Variants in CAMK1D observed in about 807,000 individuals in gnomAD.
CAMK1D encodes calcium/calmodulin-dependent protein kinase type 1D.
A neutral mutation model predicts 47.7 loss-of-function variants in CAMK1D; 9 were observed. The ratio of observed to expected loss-of-function variants is 0.19; its 90% confidence interval spans 0.11 to 0.33. The LOEUF (loss-of-function observed/expected upper bound fraction) is 0.33. CAMK1D is among the 10% of genes least tolerant of loss of function. The pLI, the probability that CAMK1D is intolerant of heterozygous loss-of-function variation, is 1.00. For synonymous variants in CAMK1D, 184 were observed against 184.9 expected (o/e 0.99, Z 0.04); for missense variants, 291 against 488.7 (o/e 0.60, Z 3.81).
intron 2 of CAMK1D, among the ~76,000 whole-genome samples, chr10:12,564,289 A>G (rs934908920): frequency 6.6e-6 from 1 of 152,182 alleles, no homozygotes; most frequent in African/African-American, 2.4e-5. Flanking sequence ...AGATATAGAA[A>G]AAGAAATAGA....
chr10:12,477,808 G>A (rs961498956), intron 1 of CAMK1D, among the ~76,000 whole-genome samples: 1 of 152,140 alleles, frequency 6.6e-6, no homozygotes, highest in Non-Finnish European at 1.5e-5. Context: ...CATCCACCGT[G>A]TTTGGCTGCG....
intron 1 of CAMK1D, among the ~76,000 whole-genome samples, chr10:12,493,208 G>A (rs945751372): frequency 6.6e-6 from 1 of 152,194 alleles, no homozygotes; most frequent in Non-Finnish European, 1.5e-5. Context: ...TGTCCTATAA[G>A]AAGTGGTGTT....
At chr10:12,801,354 T>TATCTATCTAATC (rs57429397) in intron 6 of CAMK1D, among the ~76,000 whole-genome samples, 3 of 66,490 alleles carry the variant, frequency 4.5e-5, no homozygotes, top group African/African-American at 1.7e-4. Context: ...TCTATCTATC[T>TATCTATCTAATC]TATCTATCTA....
chr10:12,641,316 G>A (rs1588721718), intron 2 of CAMK1D, among the ~76,000 whole-genome samples: 1 of 152,218 alleles, frequency 6.6e-6, no homozygotes, highest in South Asian at 2.1e-4. Flanking sequence ...AAAAATTAGT[G>A]AATGTTTAAA....
At chr10:12,567,399 G>C (rs1261963870) in intron 2 of CAMK1D, among the ~76,000 whole-genome samples, 1 of 152,156 alleles carries the variant, frequency 6.6e-6, no homozygotes, top group Non-Finnish European at 1.5e-5. Flanking sequence ...TCATCCCGAG[G>C]GATGGCATAG....
intron 1 of CAMK1D, among the ~76,000 whole-genome samples, chr10:12,429,752 C>T (rs1300127080): frequency 3.9e-5 from 6 of 152,166 alleles, no homozygotes; most frequent in East Asian, 1.9e-4. Flanking sequence ...AGTTCAGGTT[C>T]GAGGTGGGTG....
chr10:12,585,322 C>G (rs547869668), intron 2 of CAMK1D, among the ~76,000 whole-genome samples: 17 of 152,200 alleles, frequency 1.1e-4, no homozygotes, highest in Non-Finnish European at 2.4e-4. Context: ...GGCCTACTGG[C>G]CTGGAGGCCA....
rs368118438 is a variant in CAMK1D, at chr10:12,609,624, A to G, written c.224+56268A>G. 1.5e-4 allele frequency among the ~76,000 whole-genome samples: 23 copies of G among 152,318 alleles called. 1 individual carries two copies. The highest frequency in any genetic ancestry group is 1.2e-3 in the Admixed American group (18 of 15,298). On this transcript the variant is annotated intron_variant, in intron 2 of 10. Coordinates refer to ENST00000619168, the MANE Select transcript of CAMK1D (RefSeq NM_153498.4). ...AGGGTTCATACTCCCATGAGAATCT[A>G]ATGCCACCACTGATCTGACAGGAGG...
chr10:12,477,695 T>A (rs935871490), intron 1 of CAMK1D, among the ~76,000 whole-genome samples: 1 of 152,042 alleles, frequency 6.6e-6, no homozygotes, highest in African/African-American at 2.4e-5. Context: ...GGTGTTCAGA[T>A]GAGAACCAGG....
chr10:12,393,894 A>C (rs944402249), intron 1 of CAMK1D, among the ~76,000 whole-genome samples: 1 of 152,164 alleles, frequency 6.6e-6, no homozygotes, highest in Admixed American at 6.5e-5. Flanking sequence ...CTCATTAAGC[A>C]GTTCTCCAGT....
intron 1 of CAMK1D, among the ~76,000 whole-genome samples, chr10:12,391,544 G>A (rs1489039362): frequency 6.6e-6 from 1 of 152,008 alleles, no homozygotes; most frequent in African/African-American, 2.4e-5. Flanking sequence ...TCCATTTTAA[G>A]TACTGAATAT....
At chr10:12,437,129 C>T (rs1832656081) in intron 1 of CAMK1D, among the ~76,000 whole-genome samples, 1 of 80,170 alleles carries the variant, frequency 1.2e-5, no homozygotes, top group Admixed American at 1.6e-4. Flanking sequence ...TTTTCTTAAA[C>T]AGACCGACTA....
At chr10:12,628,878 A>T (rs1286479684) in intron 2 of CAMK1D, among the ~76,000 whole-genome samples, 1 of 152,194 alleles carries the variant, frequency 6.6e-6, no homozygotes, top group Non-Finnish European at 1.5e-5. Flanking sequence ...AATGGGAATC[A>T]TACAATATGT....
chr10:12,571,713 T>C (rs1330930440), intron 2 of CAMK1D, among the ~76,000 whole-genome samples: 2 of 152,228 alleles, frequency 1.3e-5, no homozygotes, highest in Non-Finnish European at 2.9e-5. Context: ...TTTACTTGTC[T>C]TTCTTTCGTA....
intron 1 of CAMK1D, among the ~76,000 whole-genome samples, chr10:12,506,522 C>T (rs1203682678): frequency 6.7e-6 from 1 of 149,426 alleles, no homozygotes; most frequent in Admixed American, 6.7e-5. Context: ...TTCTCTCTTT[C>T]TTTTTTTTTT....
At chr10:12,733,689 T>TG (rs1458396113) in intron 3 of CAMK1D, among the ~76,000 whole-genome samples, 1 of 152,244 alleles carries the variant, frequency 6.6e-6, no homozygotes, top group Non-Finnish European at 1.5e-5. Context: ...ATTTATGTTA[T>TG]GCCATACACC....
intron 5 of CAMK1D, among the ~76,000 whole-genome samples, chr10:12,788,344 T>C (rs978072034): frequency 6.6e-6 from 1 of 152,230 alleles, no homozygotes; most frequent in Non-Finnish European, 1.5e-5. Flanking sequence ...CCAGCACCTC[T>C]GTGCTGTTTG....
At chr10:12,624,663 C>T (rs149784499) in intron 2 of CAMK1D, among the ~76,000 whole-genome samples, 1 of 152,200 alleles carries the variant, frequency 6.6e-6, no homozygotes, top group Non-Finnish European at 1.5e-5. Context: ...TGTTACACCT[C>T]TTGGCTACTG....
At chr10:12,424,302 A>AT (rs1461490839) in intron 1 of CAMK1D, among the ~76,000 whole-genome samples, 1 of 151,900 alleles carries the variant, frequency 6.6e-6, no homozygotes, top group African/African-American at 2.4e-5. Flanking sequence ...GTGGCCTGAC[A>AT]TTCTCCTCTT....
Sources: gnomAD v4.1 joint callset for allele counts (sites outside exome capture counted in the v4.1 genomes callset) on GRCh38, gnomAD v4.1.1 for gene constraint, MANE v1.5 for transcripts, NCBI Gene and HGNC (gene_info 2026-07-23, HGNC 2026-07-21) for gene names.